UVRAG: variants seen among roughly 807,000 people sequenced by gnomAD.
UVRAG encodes the protein UV radiation resistance-associated gene protein.
Under a neutral mutation model 78.0 loss-of-function variants are expected in UVRAG, and 19 were observed. That is an observed-to-expected ratio of 0.24 (90% CI 0.17 to 0.36). The LOEUF is 0.36. UVRAG is among the 10% of genes least tolerant of loss of function. UVRAG has a pLI of 1.00. For missense variants in UVRAG, 740 were observed against 853.8 expected (o/e 0.87, Z 1.66); for synonymous variants, 323 against 324.6 (o/e 1.00, Z 0.05).
At chr11:76,046,767 A>G (rs1950765398) in intron 12 of UVRAG, among the ~76,000 whole-genome samples, 1 of 152,136 alleles carries the variant, frequency 6.6e-6, no homozygotes, top group Non-Finnish European at 1.5e-5. Flanking sequence ...AGAAACAGGA[A>G]TAAAAGGATA....
chr11:75,893,082 CAGG>C (rs1177121973), intron 5 of UVRAG, among the ~76,000 whole-genome samples: 1 of 151,226 alleles, frequency 6.6e-6, no homozygotes, highest in Admixed American at 6.6e-5. Context: ...GAGGCTGAGG[CAGG>C]AGAACTGCTT....
rs185783252 is a variant in UVRAG, at chr11:75,887,688, C to T, written c.433-1141C>T. Among the ~76,000 whole-genome samples the T allele has an allele frequency of 5.4e-3, 818 of 151,370 alleles. 10 individuals are homozygous for T. The highest frequency in any genetic ancestry group is 0.019 in the African/African-American group (776 of 41,208). On this transcript the variant is annotated intron_variant, in intron 4 of 14. Coordinates refer to ENST00000356136, the MANE Select transcript of UVRAG (RefSeq NM_003369.4). ...GGTCTCGATCTCCTGACCTCGTGAT[C>T]CACCCGCCTTGGCCTCCCAAAGTGC...
chr11:75,904,510 A>G (rs1010411430), intron 5 of UVRAG, among the ~76,000 whole-genome samples: 1 of 152,192 alleles, frequency 6.6e-6, no homozygotes, highest in African/African-American at 2.4e-5. Context: ...CAAGAATGTT[A>G]ATTGCTAAGT....
chr11:75,855,008 A>G (rs761779200), intron 2 of UVRAG, among the ~76,000 whole-genome samples: 1 of 152,172 alleles, frequency 6.6e-6, no homozygotes, highest in Non-Finnish European at 1.5e-5. Flanking sequence ...TAACACCAGT[A>G]CTTAGCGCAT....
At chr11:75,852,235 T>C (rs1786579968) in intron 2 of UVRAG, among the ~76,000 whole-genome samples, 1 of 152,228 alleles carries the variant, frequency 6.6e-6, no homozygotes, top group African/African-American at 2.4e-5. Flanking sequence ...TTATGAATGT[T>C]AGCTATTAAT....
chr11:75,854,485 C>T (rs991057035), intron 2 of UVRAG, among the ~76,000 whole-genome samples: 95 of 152,044 alleles, frequency 6.2e-4, no homozygotes, highest in Non-Finnish European at 8.5e-4. Flanking sequence ...GGTGCCATCT[C>T]GGTTCACTGC....
chr11:75,924,459 C>T (rs1948047114), intron 6 of UVRAG, among the ~76,000 whole-genome samples: 1 of 151,708 alleles, frequency 6.6e-6, no homozygotes, highest in Non-Finnish European at 1.5e-5. Flanking sequence ...GATCTTGGCT[C>T]ACTGCAAGCT....
chr11:75,815,566 A>G, intron 1 of UVRAG, 42 bp downstream of exon 1: 3 of 1,181,878 alleles, frequency 2.5e-6, no homozygotes, highest in Non-Finnish European at 3.2e-6. Flanking sequence ...GGACCCGGGC[A>G]GGCCCGCGTG....
At chr11:75,855,265 C>T (rs1400743981) in intron 2 of UVRAG, among the ~76,000 whole-genome samples, 2 of 152,186 alleles carry the variant, frequency 1.3e-5, no homozygotes, top group East Asian at 3.9e-4. Context: ...TCAATCCAAT[C>T]CTCAACACAG....
At chr11:75,978,009 G>C (rs1193080250) in intron 7 of UVRAG, among the ~76,000 whole-genome samples, 1 of 152,098 alleles carries the variant, frequency 6.6e-6, no homozygotes, top group Non-Finnish European at 1.5e-5. Context: ...GGCTGGTACC[G>C]GTTGTTCTTT....
At chr11:75,817,899 A>G (rs1033644612) in intron 1 of UVRAG, among the ~76,000 whole-genome samples, 2 of 117,044 alleles carry the variant, frequency 1.7e-5, no homozygotes, top group African/African-American at 1.1e-4. Flanking sequence ...CAAAAAAAAG[A>G]AAAAAAAAAA....
At chr11:76,003,617 C>A (rs941621058) in intron 8 of UVRAG, among the ~76,000 whole-genome samples, 1 of 151,942 alleles carries the variant, frequency 6.6e-6, no homozygotes, top group African/African-American at 2.4e-5. Context: ...CTTTTTTACT[C>A]TTTTTTAAAA....
intron 6 of UVRAG, among the ~76,000 whole-genome samples, chr11:75,932,488 G>T (rs1179298765): frequency 1.3e-5 from 2 of 152,000 alleles, no homozygotes; most frequent in East Asian, 3.9e-4. Context: ...GTTACACCAT[G>T]TTGGCAAGGA....
At chr11:76,100,834 C>G (rs1951867203) in intron 13 of UVRAG, among the ~76,000 whole-genome samples, 1 of 152,064 alleles carries the variant, frequency 6.6e-6, no homozygotes, top group Admixed American at 6.6e-5. Flanking sequence ...CATCTAGCTC[C>G]CACTTGCAAG....
At chr11:76,102,227 T>C (rs1951891127) in intron 13 of UVRAG, among the ~76,000 whole-genome samples, 1 of 152,242 alleles carries the variant, frequency 6.6e-6, no homozygotes, top group Non-Finnish European at 1.5e-5. Flanking sequence ...GGAATATTTC[T>C]CCATTTGCGT....
chr11:76,079,830 C>T lies in UVRAG; in HGVS notation c.1305+14042C>T, dbSNP rs1951465709. ...CCTGAAAACAGTTAAATATGTTTAT[C>T]ATAACTGAAAATAGTTATCTGGGAA... On this transcript the variant is annotated intron_variant, in intron 13 of 14. Coordinates refer to ENST00000356136, the MANE Select transcript of UVRAG (RefSeq NM_003369.4). Among the ~76,000 whole-genome samples the T allele has an allele frequency of 3.3e-5, 5 of 152,142 alleles. No individual in the cohort carries two copies. The South Asian group carries it at 1.0e-3, about 32-fold the overall frequency.
intron 5 of UVRAG, among the ~76,000 whole-genome samples, chr11:75,908,115 G>A (rs368542322): frequency 1.8e-4 from 28 of 152,024 alleles, no homozygotes; most frequent in Middle Eastern, 3.4e-3. Flanking sequence ...GTTACCGTTC[G>A]ACTTTCTGTT....
chr11:75,935,967 ACT>A (rs1295035541), intron 6 of UVRAG, among the ~76,000 whole-genome samples: 1 of 152,152 alleles, frequency 6.6e-6, no homozygotes, highest in Admixed American at 6.5e-5. Flanking sequence ...ATGTATCTTT[ACT>A]CTCTGTCAAT....
chr11:76,139,967 A>G (rs1232327623), intron 14 of UVRAG, among the ~76,000 whole-genome samples: 1 of 150,332 alleles, frequency 6.7e-6, no homozygotes, highest in Non-Finnish European at 1.5e-5. Context: ...CAAAGAATGT[A>G]TTTCCCAAGT....
Sources: gnomAD v4.1 joint callset for allele counts (sites outside exome capture counted in the v4.1 genomes callset) on GRCh38, gnomAD v4.1.1 for gene constraint, MANE v1.5 for transcripts, NCBI Gene and HGNC (gene_info 2026-07-23, HGNC 2026-07-21) for gene names.